The following CABIN1 variants were observed in gnomAD, a reference collection of about 807,000 sequenced individuals.
The protein encoded by CABIN1 is calcineurin binding protein 1, also known as calcineurin-binding protein cabin-1.
Under a neutral mutation model 227.7 loss-of-function variants are expected in CABIN1, and 133 were observed. The ratio of observed to expected loss-of-function variants is 0.58; its 90% confidence interval spans 0.51 to 0.67. The LOEUF is 0.67. CABIN1 is among the 30% of genes least tolerant of loss of function. The pLI is 0.00. For synonymous variants in CABIN1, 1,086 were observed against 1,155.1 expected, an observed-to-expected ratio of 0.94 and a Z score of 1.21; for missense variants, 2,408 against 2,852.5, an observed-to-expected ratio of 0.84 and a Z score of 3.55.
chr22:24,112,252 CCCTCT>C (rs1327784412), intron 26 of CABIN1, among the ~76,000 whole-genome samples: 1 of 152,170 alleles, frequency 6.6e-6, no homozygotes, highest in African/African-American at 2.4e-5. Context: ...GAATAGGCTT[CCCTCT>C]TTTGTTTCTA....
rs9612556 is a variant in CABIN1 at position 24,118,081 on chromosome 22, C to T, written c.4301-1286C>T. Reference sequence around the variant, plus strand: ...CTCAAAGGGTAGGGGGAGGGGGCAGCCCATGGTAGGCTCTGGGCCTGGGGG... The same window carrying T: ...CTCAAAGGGTAGGGGGAGGGGGCAGTCCATGGTAGGCTCTGGGCCTGGGGG... On this transcript the variant is annotated intron_variant, in intron 27 of 36. Coordinates refer to ENST00000263119, the MANE Select transcript of CABIN1 (RefSeq NM_012295.4). Among the ~76,000 whole-genome samples the T allele has an allele frequency of 9.2e-3, 1,399 of 152,202 alleles. 13 individuals are homozygous for T. Among genetic ancestry groups the T allele is most frequent in the Middle Eastern group, 0.027 (8 of 294 alleles).
intron 1 of CABIN1, among the ~76,000 whole-genome samples, chr22:24,027,401 A>G (rs182023894): frequency 2.0e-5 from 3 of 152,334 alleles, no homozygotes; most frequent in Admixed American, 2.0e-4. Context: ...TAGGGCTTCC[A>G]GTATATTGTG....
chr22:24,109,372 A>ATT (rs555992246), intron 26 of CABIN1, among the ~76,000 whole-genome samples: 19 of 142,982 alleles, frequency 1.3e-4, no homozygotes, highest in Middle Eastern at 3.7e-3. Context: ...CGCCTGCCTA[A>ATT]TTTTTTTTTT....
chr22:24,033,529 G>C (rs971720871), intron 1 of CABIN1, among the ~76,000 whole-genome samples: 10 of 152,164 alleles, frequency 6.6e-5, no homozygotes, highest in Non-Finnish European at 1.0e-4. Context: ...TTATCCCACT[G>C]CCTGCTGGGC....
chr22:24,043,060 C>T lies in CABIN1; in HGVS notation c.502C>T (p.Leu168=). 1 of 1,613,950 alleles carries T rather than the reference C, an allele frequency of 6.2e-7. No individual in the cohort carries two copies. The highest frequency in any genetic ancestry group is 8.5e-7 in the Non-Finnish European group (1 of 1,179,966). The part of the protein sequence containing the change: ...WPCLDNLITV[L]YTLSDYTTCL... ...CTGTTTGGATAACCTAATCACTGTC[C>T]TGTACACCCTCAGTGATTACACAAG... The change falls in exon 6 of 37, where the codon CTG becomes TTG. Residue 168 remains leucine (L), a synonymous_variant. Transcript: ENST00000263119.
chr22:24,089,349 T>A (rs940691237), intron 23 of CABIN1, among the ~76,000 whole-genome samples: 3 of 152,240 alleles, frequency 2.0e-5, no homozygotes, highest in Admixed American at 1.3e-4. Flanking sequence ...TGCTTTGTTC[T>A]TTCCTCTACT....
intron 12 of CABIN1, among the ~76,000 whole-genome samples, chr22:24,060,472 G>C (rs1299601067): frequency 1.3e-5 from 2 of 152,062 alleles, no homozygotes; most frequent in Non-Finnish European, 2.9e-5. Context: ...GGTTGAACTA[G>C]ACATGGGATG....
chr22:24,057,275 A>G (rs952539581), intron 10 of CABIN1, among the ~76,000 whole-genome samples: 2 of 152,134 alleles, frequency 1.3e-5, no homozygotes, highest in African/African-American at 4.8e-5. Context: ...CACCTCCTTC[A>G]GAGGCTTTAG....
rs1328977819 is a variant in CABIN1 at position 24,178,104 on chromosome 22, T to C, written c.6571T>C (p.Cys2191Arg). Reference protein sequence around the residue: ...SAANVRKESLCQPALEVLETS... With the variant: ...SAANVRKESLRQPALEVLETS... The stretch of plus-strand genomic sequence containing the variant: ...TGCCAACGTGAGGAAGGAGAGCCTA[T>C]GCCAGCCAGCCCTGGAGGTCCTGGA... The change falls in exon 37 of 37, where the codon TGC becomes CGC. Residue 2191 changes from cysteine to arginine, a missense_variant. Cys to Arg is a radical substitution (Grantham distance 180, BLOSUM62 -3). Around this residue, in one of 3 missense-constraint regions of CABIN1, gnomAD observed 714 missense variants for 773.8 expected, o/e 0.92. Transcript: ENST00000263119. The C allele has an allele frequency of 1.9e-6, 3 of 1,613,804 alleles. No homozygotes were observed. The highest frequency in any genetic ancestry group is 2.7e-5 in the African/African-American group (2 of 75,030).
intron 1 of CABIN1, among the ~76,000 whole-genome samples, chr22:24,025,555 G>C (rs1049132532): frequency 6.6e-6 from 1 of 152,200 alleles, no homozygotes; most frequent in South Asian, 2.1e-4. Flanking sequence ...TGGTGGGGCC[G>C]AGGAATGGGG....
At chr22:24,047,965 G>A (rs918999668) in intron 6 of CABIN1, among the ~76,000 whole-genome samples, 7 of 152,212 alleles carry the variant, frequency 4.6e-5, no homozygotes, top group African/African-American at 1.7e-4. Flanking sequence ...AGTGCTGAAA[G>A]CTTTTGTAAT....
chr22:24,069,188 G>C (rs1260290673), intron 16 of CABIN1, among the ~76,000 whole-genome samples: 1 of 152,200 alleles, frequency 6.6e-6, no homozygotes, highest in East Asian at 1.9e-4. Flanking sequence ...GTGTCTTGTT[G>C]AGTTGATTCT....
chr22:24,067,239 GT>G (rs2039749068), intron 16 of CABIN1, 58 bp downstream of exon 16: 1 of 1,572,566 alleles, frequency 6.4e-7, no homozygotes, highest in East Asian at 2.2e-5. Flanking sequence ...GCTTGTTTGT[GT>G]TTATTCTCTG....
chr22:24,133,580 C>A (rs1298636232), intron 28 of CABIN1, among the ~76,000 whole-genome samples: 1 of 152,230 alleles, frequency 6.6e-6, no homozygotes, highest in African/African-American at 2.4e-5. Flanking sequence ...GTGCCAAGCC[C>A]AGCTCTGCCC....
intron 34 of CABIN1, among the ~76,000 whole-genome samples, chr22:24,173,749 G>A (rs976856964): frequency 1.3e-5 from 2 of 152,080 alleles, no homozygotes; most frequent in South Asian, 2.1e-4. Flanking sequence ...CAGGAGAATC[G>A]CTTGAACCCA....
chr22:24,167,091 C>T lies in CABIN1; in HGVS notation c.5460C>T (p.Pro1820=), dbSNP rs201930611. ...CGCTCACCCCAGCCCAGCCAGCCCC[C>T]GCCCCCGCCCCCGCCACCACCACAG... The part of the protein sequence containing the change: ...PTPLTPAQPA[P]APAPATTTGT... The change falls in exon 32 of 37, where the codon CCC becomes CCT. Residue 1820 remains proline (P), a synonymous_variant. Transcript: ENST00000263119. 5.4e-4 allele frequency: 834 copies of T among 1,544,196 alleles called. 8 individuals are homozygous for T. The East Asian group carries it at 0.02, about 37-fold the overall frequency.
At chr22:24,063,271 C>T (rs2039334175) in intron 14 of CABIN1, 125 bp downstream of exon 14, 5 of 973,348 alleles carry the variant, frequency 5.1e-6, no homozygotes, top group South Asian at 1.4e-5. Flanking sequence ...TGCATGTGTA[C>T]ATGCATAGCA....
chr22:24,014,063 C>T (rs1178038066), intron 1 of CABIN1, among the ~76,000 whole-genome samples: 1 of 152,202 alleles, frequency 6.6e-6, no homozygotes, highest in Non-Finnish European at 1.5e-5. Context: ...CTATCCCTTT[C>T]TAATTAATAA....
rs143199554 is a variant in CABIN1 at position 24,091,759 on chromosome 22, C to T, written c.3702C>T (p.Gly1234=). The T allele has an allele frequency of 1.5e-4, 244 of 1,613,962 alleles. 1 individual carries two copies. In the African/African-American group the frequency reaches 1.8e-3, roughly 12 times the overall value. ...TVYLLHYRQA[G]HYLHEEAARY... ...ACTTGCTGCACTACAGGCAGGCTGGCCACTACCTGCACGAGGAGGCTGCCC... is the reference window on the plus strand; with the variant it reads ...ACTTGCTGCACTACAGGCAGGCTGGTCACTACCTGCACGAGGAGGCTGCCC... Residue 1234 remains glycine, a synonymous_variant, in exon 24 of 37, where the codon GGC becomes GGT. Transcript: ENST00000263119.
Sources: gnomAD v4.1 joint callset for allele counts (sites outside exome capture counted in the v4.1 genomes callset) on GRCh38, gnomAD v4.1.1 for gene constraint, gnomAD v4.1.1 regional missense constraint, MANE v1.5 for transcripts, NCBI Gene and HGNC (gene_info 2026-07-23, HGNC 2026-07-21) for gene names.